Variants in FBXW7 observed in about 807,000 individuals in gnomAD.
FBXW7 encodes the protein F-box/WD repeat-containing protein 7.
FBXW7 carries 11 observed loss-of-function variants against 86.3 expected under a neutral mutation model. The ratio of observed to expected loss-of-function variants is 0.13; its 90% confidence interval spans 0.08 to 0.21. FBXW7 has a LOEUF of 0.21. FBXW7 is among the 10% of genes least tolerant of loss of function. FBXW7 has a pLI of 1.00. For missense variants in FBXW7, 488 were observed against 847.4 expected, an observed-to-expected ratio of 0.58 and a Z score of 5.27; for synonymous variants, 313 against 297.9, an observed-to-expected ratio of 1.05 and a Z score of -0.52.
At chr4:152,461,269 A>T (rs779600828) in intron 2 of FBXW7, among the ~76,000 whole-genome samples, 9 of 152,264 alleles carry the variant, frequency 5.9e-5, no homozygotes, top group Non-Finnish European at 8.8e-5. Flanking sequence ...AAATAAAATA[A>T]AATATAATAT....
At chr4:152,503,021 G>T (rs751477591) in intron 2 of FBXW7, among the ~76,000 whole-genome samples, 1 of 152,020 alleles carries the variant, frequency 6.6e-6, no homozygotes, top group African/African-American at 2.4e-5. Flanking sequence ...AAATTCTTGC[G>T]CCAAAAGAAA....
chr4:152,437,611 T>C (rs894377685), intron 2 of FBXW7, among the ~76,000 whole-genome samples: 3 of 152,190 alleles, frequency 2.0e-5, no homozygotes, highest in Non-Finnish European at 4.4e-5. Context: ...CGGCAGGATT[T>C]GAAAGGATTG....
At chr4:152,414,879 C>G (rs1444288487) in intron 2 of FBXW7, among the ~76,000 whole-genome samples, 1 of 152,064 alleles carries the variant, frequency 6.6e-6, no homozygotes, top group African/African-American at 2.4e-5. Flanking sequence ...AGAGAAAGCA[C>G]AGCTACTCCA....
intron 4 of FBXW7, among the ~76,000 whole-genome samples, chr4:152,402,121 G>A (rs1467984155): frequency 6.6e-6 from 1 of 152,010 alleles, no homozygotes; most frequent in Non-Finnish European, 1.5e-5. Context: ...TGTTCAAACA[G>A]GTTACCAAAT....
intron 2 of FBXW7, among the ~76,000 whole-genome samples, chr4:152,459,871 A>C (rs1742782240): frequency 6.6e-6 from 1 of 152,250 alleles, no homozygotes; most frequent in African/African-American, 2.4e-5. Context: ...ATGACCACAG[A>C]TAACCAAAAT....
chr4:152,387,580 T>A (rs1735631694), intron 4 of FBXW7, among the ~76,000 whole-genome samples: 1 of 140,788 alleles, frequency 7.1e-6, no homozygotes, highest in Admixed American at 7.3e-5. Context: ...TAATGATAAA[T>A]TATCAAGCTT....
intron 2 of FBXW7, among the ~76,000 whole-genome samples, chr4:152,478,349 A>C (rs1744600390): frequency 6.6e-6 from 1 of 152,036 alleles, no homozygotes. Flanking sequence ...AGCTTATTTC[A>C]CTTAGCACAA....
chr4:152,464,584 T>C (rs980227887), intron 2 of FBXW7, among the ~76,000 whole-genome samples: 2 of 152,160 alleles, frequency 1.3e-5, no homozygotes, highest in African/African-American at 2.4e-5. Context: ...AAAATGTTAA[T>C]TTGTACTAGA....
In FBXW7 at chr4:152,386,433, T is replaced by C. The variant is rs138444957; in HGVS notation, c.501+24870A>G. ...CGCCTCACATCTAGTAAGTGTTCGA[T>C]AGTGTTAATTAAACTGTCATTATGA... On this transcript the variant is annotated intron_variant, in intron 4 of 13. Coordinates refer to ENST00000281708, the MANE Select transcript of FBXW7 (RefSeq NM_001349798.2). Among the ~76,000 whole-genome samples, 657 of 152,228 alleles carry C rather than the reference T, an allele frequency of 4.3e-3. 3 individuals are homozygous for C. The highest frequency in any genetic ancestry group is 0.022 in the South Asian group (104 of 4,826).
At position 152,365,216 on chromosome 4, in the gene FBXW7, TG is replaced by T. The variant is rs1403163772; in HGVS notation, c.502-15093del. Among the ~76,000 whole-genome samples the T allele has an allele frequency of 2.0e-5, 3 of 152,118 alleles. No individual in the cohort carries two copies. In the South Asian group the frequency reaches 6.2e-4, roughly 32 times the overall value. On this transcript the variant is annotated intron_variant, in intron 4 of 13. Transcript: ENST00000281708. Reference sequence around the variant, plus strand: ...CACTGAACAGAGGTAGGATGGCAGGTGTAAGATGAGGCTGAAGAAGTAGACA... The same window carrying T: ...CACTGAACAGAGGTAGGATGGCAGGTTAAGATGAGGCTGAAGAAGTAGACA...
chr4:152,343,330 G>C (rs1313247666), intron 6 of FBXW7, among the ~76,000 whole-genome samples: 3 of 152,176 alleles, frequency 2.0e-5, no homozygotes, highest in South Asian at 2.1e-4. Context: ...TCCCTTTTTA[G>C]ATCTGAGAAA....
intron 2 of FBXW7, among the ~76,000 whole-genome samples, chr4:152,437,299 C>T (rs995178147): frequency 3.3e-5 from 5 of 151,682 alleles, no homozygotes; most frequent in African/African-American, 9.7e-5. Context: ...CACTTGAACC[C>T]GGCAGGCGCA....
chr4:152,471,624 C>T (rs987053366), intron 2 of FBXW7, among the ~76,000 whole-genome samples: 22 of 152,046 alleles, frequency 1.4e-4, no homozygotes, highest in Non-Finnish European at 1.9e-4. Flanking sequence ...AAATGACTGG[C>T]GCAGTGGCTC....
Position 152,426,797 on chromosome 4 carries a change from A to G in FBXW7, c.-119-14268T>C, listed in dbSNP as rs558871946. ...CTTTCAAAACCAGGGCTCTCATTCC[A>G]TAACAGGGCCTCACAGCAATGAGAA... On this transcript the variant is annotated intron_variant, in intron 2 of 13. Transcript: ENST00000281708. Among the ~76,000 whole-genome samples, 10 of 152,344 alleles carry G rather than the reference A, an allele frequency of 6.6e-5. No individual in the cohort carries two copies. The East Asian group carries it at 9.6e-4, about 15-fold the overall frequency.
chr4:152,486,617 T>C (rs1234377132), intron 2 of FBXW7, among the ~76,000 whole-genome samples: 1 of 152,118 alleles, frequency 6.6e-6, no homozygotes, highest in Admixed American at 6.6e-5. Context: ...GACAATAACA[T>C]GCACAGAGCT....
chr4:152,465,303 G>A (rs1407912609), intron 2 of FBXW7, among the ~76,000 whole-genome samples: 1 of 152,034 alleles, frequency 6.6e-6, no homozygotes, highest in Non-Finnish European at 1.5e-5. Flanking sequence ...ACAAGAGAAG[G>A]GAAGAGGAAA....
intron 4 of FBXW7, among the ~76,000 whole-genome samples, chr4:152,406,793 C>T (rs1737459348): frequency 1.3e-5 from 2 of 152,144 alleles, no homozygotes; most frequent in South Asian, 2.1e-4. Flanking sequence ...TTCTAATCCT[C>T]CTATGTACCT....
intron 7 of FBXW7, among the ~76,000 whole-genome samples, chr4:152,334,338 T>TTA (rs927962667): frequency 3.0e-4 from 46 of 152,170 alleles, no homozygotes; most frequent in African/African-American, 1.1e-3. Flanking sequence ...CAAAAGCTAC[T>TTA]TAATTTGGGA....
chr4:152,359,723 G>A (rs561795236), intron 4 of FBXW7, among the ~76,000 whole-genome samples: 149 of 152,000 alleles, frequency 9.8e-4, no homozygotes, highest in African/African-American at 3.4e-3. Context: ...AGATCGTGCC[G>A]TTGCACTCCA....
Sources: allele counts gnomAD v4.1 joint callset (sites outside exome capture counted in the v4.1 genomes callset), GRCh38; gene constraint gnomAD v4.1.1; transcripts MANE v1.5; gene names NCBI Gene and HGNC (gene_info 2026-07-23, HGNC 2026-07-21).